The following FANCD2 variants were observed in gnomAD, a reference collection of about 807,000 sequenced individuals.
FANCD2 encodes Fanconi anemia group D2 protein.
FANCD2 carries 131 observed loss-of-function variants against 192.3 expected under a neutral mutation model. The ratio of observed to expected loss-of-function variants is 0.68; its 90% CI spans 0.59 to 0.79. The LOEUF is 0.79. Ranked by LOEUF, FANCD2 falls within the 30% of genes least tolerant of loss-of-function variation. FANCD2 has a pLI of 0.00. For missense variants in FANCD2, 1,508 were observed against 1,701.6 expected (o/e 0.89, Z 2.00); for synonymous variants, 524 against 612.5 (o/e 0.86, Z 2.13).
chr3:10,070,129 TGAG>T (rs1693117706), intron 26 of FANCD2, among the ~76,000 whole-genome samples: 1 of 141,528 alleles, frequency 7.1e-6, no homozygotes, highest in East Asian at 2.2e-4. Context: ...GTCTGGGAGG[TGAG>T]GAGCGTCTCT....
chr3:10,100,912 T>C (rs1401033880), intron 43 of FANCD2, among the ~76,000 whole-genome samples: 1 of 151,874 alleles, frequency 6.6e-6, no homozygotes, highest in African/African-American at 2.4e-5. Flanking sequence ...TCTACCAAAA[T>C]ACAAAAATTA....
intron 16 of FANCD2, among the ~76,000 whole-genome samples, chr3:10,049,160 A>G (rs1460581253): frequency 6.6e-6 from 1 of 151,782 alleles, no homozygotes; most frequent in Admixed American, 6.6e-5. Flanking sequence ...CTGATAAAAT[A>G]TGGGAAATAG....
rs1294092044 is a variant in FANCD2, at chr3:10,028,564, G to C, written c.-33-61G>C. The C allele has an allele frequency of 3.5e-6, 4 of 1,135,994 alleles. No homozygotes were observed. In the African/African-American group the frequency reaches 6.2e-5, roughly 18 times the overall value. The allele number at this position is 1,135,994 out of a possible 1,614,324, so 70.4% of individuals were successfully genotyped here. On this transcript the variant is annotated intron_variant, in intron 1 of 43. Transcript: ENST00000675286. The stretch of plus-strand genomic sequence containing the variant: ...ATAGAGCAGTTTTCTTTGAACAATA[G>C]CTTTAACTTCTCAGAATTTATCTTC...
chr3:10,056,042 C>T (rs1226426654), intron 18 of FANCD2, among the ~76,000 whole-genome samples: 2 of 152,044 alleles, frequency 1.3e-5, no homozygotes, highest in African/African-American at 4.8e-5. Context: ...CCACTCCCGG[C>T]TGATTTTTGT....
chr3:10,036,213 C>T, intron 6 of FANCD2, 74 bp from the exon 7 acceptor site: 1 of 1,322,856 alleles, frequency 7.6e-7, no homozygotes, highest in Non-Finnish European at 1.1e-6. Context: ...CTCAGCCTCC[C>T]AAGTAGCTGG....
chr3:10,062,329 C>T lies in FANCD2; in HGVS notation c.1827+118C>T, dbSNP rs34357080. 6.7e-4 allele frequency: 516 copies of T among 766,678 alleles called. 8 individuals carry two copies. In the East Asian group the frequency reaches 0.014, roughly 21 times the overall value. 47.5% of individuals were successfully genotyped at this position (766,678 alleles called of 1,614,324 possible). A position where few individuals can be genotyped will look rare whatever the true frequency, so the allele number is the denominator to read the frequency against. ...GATCTCGGCTCACTGCAACCTCCAC[C>T]TCTCAGGTTCAAGTGATTCTCCTGC... On this transcript the variant is annotated intron_variant, in intron 20 of 43. Coordinates refer to ENST00000675286, the MANE Select transcript of FANCD2 (RefSeq NM_001018115.3).
rs183138323 is a variant in FANCD2 at position 10,086,005 on chromosome 3, G to T, written c.3335+83G>T. 3,588 of 906,752 alleles carry T rather than the reference G, an allele frequency of 4.0e-3. 18 individuals carry two copies. The highest frequency in any genetic ancestry group is 4.3e-3 in the Non-Finnish European group (2,288 of 538,114). 56.2% of individuals were successfully genotyped at this position (906,752 alleles called of 1,614,324 possible). A position where few individuals can be genotyped will look rare whatever the true frequency, so the allele number is the denominator to read the frequency against. ...TGGCAACTTTCTTTAAAATAACCTG[G>T]GTGTCTTTCAGTAGTTGTAAAGGAA... On this transcript the variant is annotated intron_variant, in intron 33 of 43. Coordinates refer to ENST00000675286, the MANE Select transcript of FANCD2 (RefSeq NM_001018115.3).
intron 18 of FANCD2, among the ~76,000 whole-genome samples, chr3:10,059,705 C>A (rs1471021492): frequency 1.3e-5 from 2 of 151,824 alleles, no homozygotes; most frequent in African/African-American, 2.4e-5. Flanking sequence ...ACTTGGGAGG[C>A]TGAGGCAGGA....
chr3:10,087,281 C>CTTTTTTTT lies in FANCD2; in HGVS notation c.3466+29_3466+36dup, dbSNP rs371321981. On this transcript the variant is annotated intron_variant, in intron 34 of 43. Coordinates refer to ENST00000675286, the MANE Select transcript of FANCD2 (RefSeq NM_001018115.3). ...AAAAAATTGGTGATGGGCCTAGATC[C>CTTTTTTTT]TTTTTTTTTTTTTTTTTTTAATGAA... 55 of 1,311,082 alleles carry CTTTTTTTT rather than the reference C, an allele frequency of 4.2e-5. No individual in the cohort carries two copies. The African/African-American group carries it at 8.9e-4, about 21-fold the overall frequency. The allele number at this position is 1,311,082 out of a possible 1,614,324, so 81.2% of individuals were successfully genotyped here. A position where few individuals can be genotyped will look rare whatever the true frequency, so the allele number is the denominator to read the frequency against.
In FANCD2 at chr3:10,043,511, T is replaced by A; in HGVS notation, c.1017T>A (p.Gly339=). ...CCTCAGGAAATCAAGAAAGCAGCGG[T>A]CAGAGCTGTATTATTCTCCTCTTTG... ...ASSSGNQESS[G]QSCIILLFDV... is the part of the protein sequence containing the mutation. The change falls in exon 13 of 44, where the codon GGT becomes GGA. Residue 339 remains glycine (G), a synonymous_variant. Coordinates refer to ENST00000675286, the MANE Select transcript of FANCD2 (RefSeq NM_001018115.3). The A allele has an allele frequency of 6.2e-7, 1 of 1,613,888 alleles. No homozygotes were observed. Among genetic ancestry groups the A allele is most frequent in the Non-Finnish European group, 8.5e-7 (1 of 1,179,788 alleles).
At position 10,078,518 on chromosome 3, in the gene FANCD2, C is replaced by T. The variant is rs1307334927; in HGVS notation, c.2976+321C>T. 2.0e-5 allele frequency among the ~76,000 whole-genome samples: 3 copies of T among 151,974 alleles called. No individual in the cohort carries two copies. The East Asian group carries it at 5.9e-4, about 30-fold the overall frequency. On this transcript the variant is annotated intron_variant, in intron 30 of 43. Transcript: ENST00000675286. ...TACAGGTGCCTGCCACCACGCCTGG[C>T]TAATTTTTTGTATTTTTTGTAGAGA...
intron 23 of FANCD2, among the ~76,000 whole-genome samples, chr3:10,065,080 A>G (rs1575793532): frequency 6.6e-6 from 1 of 152,096 alleles, no homozygotes; most frequent in Non-Finnish European, 1.5e-5. Context: ...GCCAACAGAT[A>G]TTCTGAGATT....
chr3:10,071,524 C>T (rs1321340024), intron 26 of FANCD2, among the ~76,000 whole-genome samples: 2 of 152,162 alleles, frequency 1.3e-5, no homozygotes, highest in Non-Finnish European at 2.9e-5. Context: ...CAATGAGATC[C>T]TGTTGTTTGC....
intron 4 of FANCD2, 35 bp downstream of exon 4, chr3:10,034,571 C>T: frequency 3.2e-6 from 5 of 1,562,844 alleles, no homozygotes; most frequent in Non-Finnish European, 4.4e-6. Flanking sequence ...TTGCTTGTGC[C>T]AGCATAACTC....
intron 36 of FANCD2, 117 bp from the exon 37 acceptor site, chr3:10,090,175 T>C (rs1393283855): frequency 1.4e-6 from 1 of 721,028 alleles, no homozygotes; most frequent in African/African-American, 1.7e-5. Context: ...CTAAGGACCC[T>C]AGTGAAAGGA....
rs1381949554 is a variant in FANCD2, at chr3:10,078,068, C to T, written c.2860-13C>T. On this transcript the variant is annotated splice_polypyrimidine_tract_variant and intron_variant, in intron 29 of 43. Coordinates refer to ENST00000675286, the MANE Select transcript of FANCD2 (RefSeq NM_001018115.3). Reference sequence around the variant, plus strand: ...GGACATTCCTGGAACTAATCCTTTCCTCCATGTGACAGGCTACAGAAGTTG... The same window carrying T: ...GGACATTCCTGGAACTAATCCTTTCTTCCATGTGACAGGCTACAGAAGTTG... 7.1e-6 allele frequency: 11 copies of T among 1,551,932 alleles called. No individual in the cohort carries two copies. The highest frequency in any genetic ancestry group is 9.8e-6 in the Non-Finnish European group (11 of 1,123,690).
intron 3 of FANCD2, among the ~76,000 whole-genome samples, chr3:10,033,559 C>G (rs534677055): frequency 1.0e-3 from 157 of 151,948 alleles, no homozygotes; most frequent in African/African-American, 3.7e-3. Flanking sequence ...GCAGCTGTAT[C>G]AGTGTCAGAA....
At chr3:10,080,176 G>A (rs1014262798) in intron 30 of FANCD2, among the ~76,000 whole-genome samples, 2 of 152,124 alleles carry the variant, frequency 1.3e-5, no homozygotes, top group Admixed American at 1.3e-4. Context: ...GCCTCCCAAA[G>A]TGCTAGGATT....
chr3:10,098,238 A>G (rs1316220495), intron 42 of FANCD2, among the ~76,000 whole-genome samples: 1 of 152,170 alleles, frequency 6.6e-6, no homozygotes, highest in Non-Finnish European at 1.5e-5. Context: ...AAGTTAAGTA[A>G]TTTACCTAAT....
Sources: gnomAD v4.1 joint callset for allele counts (sites outside exome capture counted in the v4.1 genomes callset) on GRCh38, gnomAD v4.1.1 for gene constraint, MANE v1.5 for transcripts, NCBI Gene and HGNC (gene_info 2026-07-23, HGNC 2026-07-21) for gene names.